Variants in SGCZ observed in about 807,000 individuals in gnomAD.
SGCZ encodes zeta-sarcoglycan.
Under a neutral mutation model 41.3 loss-of-function variants are expected in SGCZ, and 40 were observed. The observed-to-expected ratio is 0.97, with a 90% CI of 0.75 to 1.26. The LOEUF (loss-of-function observed/expected upper bound fraction) is 1.26. SGCZ is among the 50% of genes most tolerant of loss of function. SGCZ has a pLI of 0.00. For synonymous variants in SGCZ, 206 were observed against 137.5 expected (o/e 1.50, Z -3.49); for missense variants, 552 against 369.8 (o/e 1.49, Z -4.04).
intron 1 of SGCZ, among the ~76,000 whole-genome samples, chr8:15,086,156 C>T (rs1038822812): frequency 6.6e-6 from 1 of 152,080 alleles, no homozygotes; most frequent in Non-Finnish European, 1.5e-5. Context: ...TTTAAAAGGG[C>T]ACATTCTAAC....
At chr8:14,639,780 C>CT (rs1293700510) in intron 1 of SGCZ, among the ~76,000 whole-genome samples, 30 of 148,650 alleles carry the variant, frequency 2.0e-4, no homozygotes, top group South Asian at 4.2e-4. Flanking sequence ...ATGTGAGAGA[C>CT]TTTTTTTTTT....
intron 1 of SGCZ, among the ~76,000 whole-genome samples, chr8:14,905,351 C>T (rs1799090815): frequency 6.6e-6 from 1 of 151,814 alleles, no homozygotes; most frequent in South Asian, 2.1e-4. Context: ...ATTAATACTC[C>T]AATAAATAAA....
rs186051255 is a variant in SGCZ at position 14,243,811 on chromosome 8, C to G, written c.337-6132G>C. 3.9e-3 allele frequency among the ~76,000 whole-genome samples: 589 copies of G among 152,240 alleles called. 4 individuals are homozygous for G. The highest frequency in any genetic ancestry group is 6.8e-3 in the Non-Finnish European group (465 of 67,994). ...TCCTCCAGAGTTAAAATTCACCTCC[C>G]ACCCTTCAGTTCCTCAGTCAGTGTT... On this transcript the variant is annotated intron_variant, in intron 3 of 7. Coordinates refer to ENST00000382080, the MANE Select transcript of SGCZ (RefSeq NM_139167.4).
At chr8:14,618,449 G>T (rs1484416187) in intron 1 of SGCZ, among the ~76,000 whole-genome samples, 2 of 152,106 alleles carry the variant, frequency 1.3e-5, no homozygotes, top group Non-Finnish European at 2.9e-5. Flanking sequence ...GAGGTCCTAA[G>T]GCAGAAACAA....
chr8:14,245,641 C>T (rs1014961613), intron 3 of SGCZ, among the ~76,000 whole-genome samples: 1 of 151,920 alleles, frequency 6.6e-6, no homozygotes, highest in Non-Finnish European at 1.5e-5. Flanking sequence ...AAGAAACTAC[C>T]ATCAGCGTGA....
At chr8:14,179,008 T>G (rs756342995) in intron 4 of SGCZ, among the ~76,000 whole-genome samples, 12 of 152,124 alleles carry the variant, frequency 7.9e-5, no homozygotes, top group Non-Finnish European at 1.8e-4. Context: ...AAGACAAGGA[T>G]TGAGTCCATA....
At chr8:14,606,546 A>G (rs1486542483) in intron 1 of SGCZ, among the ~76,000 whole-genome samples, 3 of 152,188 alleles carry the variant, frequency 2.0e-5, no homozygotes, top group Non-Finnish European at 4.4e-5. Flanking sequence ...ATATGACTAT[A>G]TCAACCAAAT....
intron 1 of SGCZ, among the ~76,000 whole-genome samples, chr8:14,994,492 G>C (rs1033045339): frequency 2.0e-5 from 3 of 152,042 alleles, no homozygotes; most frequent in East Asian, 1.9e-4. Flanking sequence ...GCTGAGGCAG[G>C]AGAATTGCTT....
At chr8:14,439,463 C>A (rs920416941) in intron 2 of SGCZ, among the ~76,000 whole-genome samples, 1 of 151,536 alleles carries the variant, frequency 6.6e-6, no homozygotes, top group African/African-American at 2.4e-5. Flanking sequence ...ATGCCAAAAT[C>A]AGACCAAGAC....
At chr8:14,469,155 T>A (rs959455291) in intron 2 of SGCZ, among the ~76,000 whole-genome samples, 9 of 152,226 alleles carry the variant, frequency 5.9e-5, no homozygotes, top group Admixed American at 3.9e-4. Context: ...CCCTATCATT[T>A]CTAAGGAAAA....
intron 5 of SGCZ, among the ~76,000 whole-genome samples, chr8:14,154,689 C>T (rs1408582475): frequency 6.6e-6 from 1 of 152,158 alleles, no homozygotes; most frequent in African/African-American, 2.4e-5. Context: ...CTTTAGCGCT[C>T]CTTTTATAAA....
At chr8:14,715,534 CCACA>C (rs3069627) in intron 1 of SGCZ, among the ~76,000 whole-genome samples, 13 of 133,326 alleles carry the variant, frequency 9.8e-5, no homozygotes, top group Non-Finnish European at 1.4e-4. Context: ...ATATCCTCCA[CCACA>C]CACACACACA....
At chr8:14,702,745 AT>A (rs1283945824) in intron 1 of SGCZ, among the ~76,000 whole-genome samples, 6 of 90,430 alleles carry the variant, frequency 6.6e-5, no homozygotes, top group African/African-American at 1.7e-4. Context: ...AGATAGATAG[AT>A]AGATAGATAG....
chr8:14,477,170 C>A lies in SGCZ; in HGVS notation c.234+77562G>T, dbSNP rs78746102. 3.3e-3 allele frequency among the ~76,000 whole-genome samples: 506 copies of A among 152,142 alleles called. 6 individuals carry two copies. The highest frequency in any genetic ancestry group is 0.016 in the East Asian group (81 of 5,178). ...ATTTACAGTAATAGATTATAAACATCAATATTTAACTGTGTAAAATACCTA... is the reference window on the plus strand; with the variant it reads ...ATTTACAGTAATAGATTATAAACATAAATATTTAACTGTGTAAAATACCTA... On this transcript the variant is annotated intron_variant, in intron 2 of 7. Transcript: ENST00000382080.
At chr8:14,786,788 G>A (rs1199055418) in intron 1 of SGCZ, among the ~76,000 whole-genome samples, 1 of 150,344 alleles carries the variant, frequency 6.7e-6, no homozygotes, top group Non-Finnish European at 1.5e-5. Flanking sequence ...AACCAGAGAG[G>A]AGCTAAAGAT....
chr8:14,757,090 C>G (rs187302083), intron 1 of SGCZ, among the ~76,000 whole-genome samples: 1 of 152,166 alleles, frequency 6.6e-6, no homozygotes, highest in Non-Finnish European at 1.5e-5. Context: ...GGTCTGTCAC[C>G]TAGGCTGGAG....
At chr8:14,495,509 T>C (rs1476261353) in intron 2 of SGCZ, among the ~76,000 whole-genome samples, 1 of 152,196 alleles carries the variant, frequency 6.6e-6, no homozygotes, top group Non-Finnish European at 1.5e-5. Flanking sequence ...AGCGATCAGA[T>C]TGATCATATG....
At chr8:15,055,538 G>A (rs542751798) in intron 1 of SGCZ, among the ~76,000 whole-genome samples, 1 of 152,138 alleles carries the variant, frequency 6.6e-6, no homozygotes, top group African/African-American at 2.4e-5. Context: ...TAGCATTACT[G>A]GTTTACATGG....
intron 1 of SGCZ, among the ~76,000 whole-genome samples, chr8:14,823,692 A>G (rs1252938480): frequency 6.6e-6 from 1 of 152,204 alleles, no homozygotes. Context: ...AATTAAAAAT[A>G]GAACTACCAT....
Sources: allele counts gnomAD v4.1 joint callset (sites outside exome capture counted in the v4.1 genomes callset), GRCh38; gene constraint gnomAD v4.1.1; transcripts MANE v1.5; gene names NCBI Gene and HGNC (gene_info 2026-07-23, HGNC 2026-07-21).